INPP5A: variants seen among roughly 807,000 people sequenced by gnomAD.
INPP5A encodes inositol polyphosphate-5-phosphatase A.
In INPP5A, 14 loss-of-function variants were observed where a neutral mutation model predicts 65.2. The observed-to-expected ratio is 0.21, with a 90% confidence interval of 0.14 to 0.34. The LOEUF is 0.34. Ranked by LOEUF, INPP5A falls within the 10% of genes least tolerant of loss-of-function variation. INPP5A has a pLI of 1.00. For missense variants in INPP5A, 431 were observed against 545.6 expected (o/e 0.79, Z 2.09); for synonymous variants, 207 against 208.3 (o/e 0.99, Z 0.05).
chr10:132,626,877 C>T (rs550780980), intron 2 of INPP5A, among the ~76,000 whole-genome samples: 33 of 152,278 alleles, frequency 2.2e-4, no homozygotes, highest in African/African-American at 7.9e-4. Flanking sequence ...GTGTGTTCTG[C>T]TAGAGTCTGT....
At position 132,551,693 on chromosome 10, in the gene INPP5A, A is replaced by C. The variant is rs1590822636; in HGVS notation, c.75+13522A>C. ...AGTGGGCAGTGTGTGCGTCGTACAC[A>C]GGTGGAAGGTGGAGGCCTGGGCCCA... On this transcript the variant is annotated intron_variant, in intron 1 of 15. Coordinates refer to ENST00000368594, the MANE Select transcript of INPP5A (RefSeq NM_005539.5). This position sits in a 1 kb window ranked among gnomAD's most constrained non-coding sequence, Gnocchi z 5.3. Among the ~76,000 whole-genome samples the C allele has an allele frequency of 6.6e-6, 1 of 152,230 alleles. No individual in the cohort carries two copies. The highest frequency in any genetic ancestry group is 1.9e-4 in the East Asian group (1 of 5,184).
chr10:132,569,337 C>A (rs991129939), intron 1 of INPP5A, among the ~76,000 whole-genome samples: 3 of 151,930 alleles, frequency 2.0e-5, no homozygotes, highest in African/African-American at 7.3e-5. Context: ...CTGCATTTTG[C>A]TTGTTTTTTT....
chr10:132,664,445 G>A (rs2072776851), intron 4 of INPP5A, among the ~76,000 whole-genome samples: 1 of 152,242 alleles, frequency 6.6e-6, no homozygotes, highest in Non-Finnish European at 1.5e-5. Flanking sequence ...TGTGTGCCTG[G>A]AGGGCACCTG....
At chr10:132,558,454 C>T (rs1157081438) in intron 1 of INPP5A, among the ~76,000 whole-genome samples, 5 of 152,224 alleles carry the variant, frequency 3.3e-5, no homozygotes, top group Non-Finnish European at 5.9e-5. Context: ...AAGCCACGTC[C>T]ACGTCGGCTC....
Position 132,650,470 on chromosome 10 carries a change from C to T in INPP5A, c.271C>T (p.Leu91=). The change falls in exon 4 of 16, where the codon CTG becomes TTG. Residue 91 remains leucine (L), a synonymous_variant. Transcript: ENST00000368594. This position sits in a 1 kb window ranked among gnomAD's most constrained non-coding sequence, Gnocchi z 5.5. ...MKEYNRARVY[L]DENYKSQEHF... The stretch of plus-strand genomic sequence containing the variant: ...AGAATATAACAGGGCTCGAGTCTAC[C>T]TGGATGAAAACTACAAATCCCAGGA... 1 of 1,613,818 alleles carries T rather than the reference C, an allele frequency of 6.2e-7. No individual in the cohort carries two copies. Among genetic ancestry groups the T allele is most frequent in the Non-Finnish European group, 8.5e-7 (1 of 1,179,770 alleles).
At chr10:132,540,886 C>T (rs1029287614) in intron 1 of INPP5A, among the ~76,000 whole-genome samples, 1 of 152,210 alleles carries the variant, frequency 6.6e-6, no homozygotes, top group Non-Finnish European at 1.5e-5. Flanking sequence ...AAGCAGATAT[C>T]CCGGACTGTG....
intron 9 of INPP5A, among the ~76,000 whole-genome samples, chr10:132,729,410 C>T (rs536104598): frequency 6.6e-6 from 1 of 152,344 alleles, no homozygotes; most frequent in South Asian, 2.1e-4. Context: ...GTTCCTCTCA[C>T]ACAGGCAGTC....
chr10:132,764,805 C>G (rs1298240233), intron 11 of INPP5A, among the ~76,000 whole-genome samples: 1 of 140,194 alleles, frequency 7.1e-6, no homozygotes. Context: ...TCGGGCCAGT[C>G]CTGCAGGGTT....
intron 4 of INPP5A, among the ~76,000 whole-genome samples, chr10:132,661,731 C>T (rs7900329): frequency 0.99 from 150,798 of 152,326 alleles, 74,669 homozygotes; most frequent in Middle Eastern, 1. Flanking sequence ...TGGGCCAAAA[C>T]AACTTTGAAC....
Position 132,765,775 on chromosome 10 carries a change from C to A in INPP5A, c.906C>A (p.Leu302=). Residue 302 remains leucine (L), a splice_region_variant and synonymous_variant, in exon 12 of 16, where the codon CTC becomes CTA. Transcript: ENST00000368594. ...TTTCTGCTCTTTCTTTTCTTTAGCT[C>A]TTGGAGTTTGACAAGGAGTTGTCTG... ...EVFRDNNGTA[L]LEFDKELSVF... 2 of 1,591,036 alleles carry A rather than the reference C, an allele frequency of 1.3e-6. No homozygotes were observed. Among genetic ancestry groups the A allele is most frequent in the Non-Finnish European group, 1.7e-6 (2 of 1,158,996 alleles).
chr10:132,777,969 T>A, intron 13 of INPP5A, 187 bp downstream of exon 13: 1 of 1,402,986 alleles, frequency 7.1e-7, no homozygotes, highest in Non-Finnish European at 9.3e-7. Flanking sequence ...AGCCAGCACC[T>A]GGGCTGGGGC....
chr10:132,646,882 G>A (rs1317462672), intron 3 of INPP5A, among the ~76,000 whole-genome samples: 1 of 152,212 alleles, frequency 6.6e-6, no homozygotes, highest in African/African-American at 2.4e-5. Flanking sequence ...GGTCGATGCA[G>A]CCACCCGGAG....
At chr10:132,692,309 A>G (rs1426327607) in intron 5 of INPP5A, among the ~76,000 whole-genome samples, 1 of 152,212 alleles carries the variant, frequency 6.6e-6, no homozygotes, top group Non-Finnish European at 1.5e-5. Context: ...AACAGCGACA[A>G]CAGGTGCAGC....
chr10:132,543,285 A>G (rs370237737), intron 1 of INPP5A, among the ~76,000 whole-genome samples: 3 of 149,840 alleles, frequency 2.0e-5, no homozygotes, highest in Non-Finnish European at 4.4e-5. Flanking sequence ...CTCTCTGTGG[A>G]TTTGCCTGTC....
At chr10:132,708,272 CACTT>C (rs1209608656) in intron 6 of INPP5A, 37 bp from the exon 7 acceptor site, 2 of 1,600,430 alleles carry the variant, frequency 1.2e-6, no homozygotes, top group Admixed American at 3.3e-5. Context: ...TGCTCTTGCT[CACTT>C]ACTCTGGCTC....
intron 2 of INPP5A, among the ~76,000 whole-genome samples, chr10:132,628,367 CG>C (rs1418071584): frequency 6.9e-6 from 1 of 145,440 alleles, no homozygotes; most frequent in African/African-American, 2.8e-5. Context: ...TCCACCGGGC[CG>C]GCAGCACCAT....
intron 1 of INPP5A, among the ~76,000 whole-genome samples, chr10:132,553,733 C>G (rs1405288794): frequency 7.7e-6 from 1 of 129,952 alleles, no homozygotes; most frequent in African/African-American, 3.0e-5. Context: ...GATTGGTGAA[C>G]GCCTTCTCAG....
Position 132,705,320 on chromosome 10 carries a change from G to A in INPP5A, c.475-2993G>A, listed in dbSNP as rs906011836. ...CAGCACGCAGGGAGCCTGCCACCCC[G>A]CCACCCCGCCATAGAGCTCCCTGGG... On this transcript the variant is annotated intron_variant, in intron 6 of 15. Transcript: ENST00000368594. This position sits in a 1 kb window ranked among gnomAD's most constrained non-coding sequence, Gnocchi z 4.9. Among the ~76,000 whole-genome samples the A allele has an allele frequency of 1.4e-4, 21 of 152,204 alleles. No homozygotes were observed. The highest frequency in any genetic ancestry group is 4.8e-4 in the African/African-American group (20 of 41,560).
rs929156740 is a variant in INPP5A, at chr10:132,651,928, G to A, written c.306+1423G>A. Among the ~76,000 whole-genome samples, 20 of 152,160 alleles carry A rather than the reference G, an allele frequency of 1.3e-4. No individual in the cohort carries two copies. Among genetic ancestry groups the A allele is most frequent in the African/African-American group, 4.8e-4 (20 of 41,438 alleles). Reference sequence around the variant, plus strand: ...CACAAGCGGCCTCTCCTCACGCTCTGTGGGGCACACGGGGACCACGGGGCC... The same window carrying A: ...CACAAGCGGCCTCTCCTCACGCTCTATGGGGCACACGGGGACCACGGGGCC... On this transcript the variant is annotated intron_variant, in intron 4 of 15. Coordinates refer to ENST00000368594, the MANE Select transcript of INPP5A (RefSeq NM_005539.5). This position sits in a 1 kb window ranked among gnomAD's most constrained non-coding sequence, Gnocchi z 5.0.
Sources: allele counts gnomAD v4.1 joint callset (sites outside exome capture counted in the v4.1 genomes callset), GRCh38; gene constraint gnomAD v4.1.1; non-coding constraint Gnocchi (gnomAD v3.1); transcripts MANE v1.5; gene names NCBI Gene and HGNC (gene_info 2026-07-23, HGNC 2026-07-21).